Variants in OTOF observed in about 807,000 individuals in gnomAD.
OTOF encodes otoferlin.
A neutral mutation model predicts 236.8 loss-of-function variants in OTOF; 218 were observed. That is an observed-to-expected ratio of 0.92 (90% confidence interval 0.82 to 1.03). OTOF has a LOEUF of 1.03. OTOF is among the 50% of genes least tolerant of loss of function. The probability of loss-of-function intolerance (pLI) is 0.00; values close to 1 mark genes in which losing one functional copy is unlikely to be tolerated. For synonymous variants in OTOF, 1,041 were observed against 1,072.5 expected, an observed-to-expected ratio of 0.97 and a Z score of 0.57; for missense variants, 2,590 against 2,694.4, an observed-to-expected ratio of 0.96 and a Z score of 0.86.
chr2:26,460,040 T>A lies in OTOF; in HGVS notation c.5979A>T (p.Lys1993Asn). ...GCCACTGGGCTCAGGCCCCGAGGAT[T>A]TTCTTGACCAGGTAGCCAGGCACAG... ...LYSVPGYLVK[K>N]ILGA Residue 1993 changes from lysine (K) to asparagine (N), a missense_variant, in exon 46 of 47, where the codon AAA becomes AAT. Physicochemically the swap from Lys to Asn is moderately conservative, Grantham distance 94. This residue lies in a region of OTOF where 1,211 missense variants were observed against 1,352.8 expected (regional missense o/e 0.90). Transcript: ENST00000272371. This position sits in a 1 kb window ranked among gnomAD's most constrained non-coding sequence, Gnocchi z 5.3. 6.4e-7 allele frequency: 1 copy of A among 1,570,840 alleles called. No individual in the cohort carries two copies.
chr2:26,550,494 C>G (rs933829185), intron 1 of OTOF, among the ~76,000 whole-genome samples: 1 of 147,924 alleles, frequency 6.8e-6, no homozygotes, highest in Non-Finnish European at 1.5e-5. Context: ...GGGCCTGGCC[C>G]TCAAGGCGCC....
chr2:26,482,314 T>C, intron 14 of OTOF, 92 bp downstream of exon 14: 2 of 1,225,478 alleles, frequency 1.6e-6, no homozygotes, highest in Admixed American at 1.8e-5. Context: ...CCAGAGCTGA[T>C]GACGGTGGTG....
At chr2:26,489,766 C>G (rs752299533) in intron 9 of OTOF, 26 bp from the exon 10 acceptor site, 1 of 1,593,866 alleles carries the variant, frequency 6.3e-7, no homozygotes, top group Non-Finnish European at 8.6e-7. Flanking sequence ...TCCAGGCCTG[C>G]TGTCACTGAG....
intron 1 of OTOF, among the ~76,000 whole-genome samples, chr2:26,555,575 C>T (rs936793360): frequency 1.3e-5 from 2 of 151,898 alleles, no homozygotes; most frequent in Non-Finnish European, 2.9e-5. Context: ...GAGGTGGCCA[C>T]GGGCAAAGCT....
At chr2:26,531,380 C>T (rs1200097010) in intron 2 of OTOF, among the ~76,000 whole-genome samples, 2 of 151,568 alleles carry the variant, frequency 1.3e-5, no homozygotes, top group Non-Finnish European at 2.9e-5. Context: ...GCTTCCCCAT[C>T]TGTGAAAAGA....
rs147169036 is a variant in OTOF, at chr2:26,499,070, T to C, written c.765+2684A>G. On this transcript the variant is annotated intron_variant, in intron 8 of 46. Transcript: ENST00000272371. ...AAACTGGAGAGATGTTGGGTGACAA[T>C]GTATTAAGTCTTGGTGCCAGGAAGA... Among the ~76,000 whole-genome samples the C allele has an allele frequency of 2.1e-3, 319 of 151,912 alleles. 2 individuals are homozygous for C. In the East Asian group the frequency reaches 0.024, roughly 12 times the overall value.
chr2:26,527,296 C>G (rs1283366288), intron 3 of OTOF, among the ~76,000 whole-genome samples: 7 of 152,232 alleles, frequency 4.6e-5, no homozygotes, highest in Non-Finnish European at 2.9e-5. Flanking sequence ...AATACTTGTC[C>G]TTTTCACACA....
chr2:26,533,856 G>A (rs555634687), intron 2 of OTOF, among the ~76,000 whole-genome samples: 157 of 152,098 alleles, frequency 1.0e-3, no homozygotes, highest in African/African-American at 3.5e-3. Flanking sequence ...AGACAGGTGC[G>A]TTTCTGGCCT....
At chr2:26,540,029 G>T (rs1423401077) in intron 1 of OTOF, among the ~76,000 whole-genome samples, 1 of 152,140 alleles carries the variant, frequency 6.6e-6, no homozygotes, top group Non-Finnish European at 1.5e-5. Context: ...TGCCTCCGGG[G>T]TTCAAATGAT....
At chr2:26,509,262 C>T (rs1666324006) in intron 5 of OTOF, among the ~76,000 whole-genome samples, 1 of 152,306 alleles carries the variant, frequency 6.6e-6, no homozygotes, top group East Asian at 1.9e-4. Context: ...CCCTTGAGGA[C>T]TCCCTAAGAG....
At chr2:26,530,492 G>T (rs1666918217) in intron 2 of OTOF, among the ~76,000 whole-genome samples, 1 of 152,156 alleles carries the variant, frequency 6.6e-6, no homozygotes, top group Non-Finnish European at 1.5e-5. Flanking sequence ...CTTCTTGGAG[G>T]CTTTCCGGGT....
In OTOF at chr2:26,460,147, A is replaced by G. The variant is rs1664392074; in HGVS notation, c.5872T>C (p.Leu1958=). ...AGCAGCCAGCGATACGTGTGCCACAAGAAGTAGCGAGCCGACTTGAGAGGG... is the reference window on the plus strand; with the variant it reads ...AGCAGCCAGCGATACGTGTGCCACAGGAAGTAGCGAGCCGACTTGAGAGGG... The part of the protein sequence containing the change: ...LNPLKSARYF[L]WHTYRWLLLK... The change falls in exon 46 of 47, where the codon TTG becomes CTG. Residue 1958 remains leucine (L), a synonymous_variant. Transcript: ENST00000272371. The surrounding 1 kb of genome is among the most constrained non-coding windows in gnomAD (Gnocchi z 5.3). 6.9e-6 allele frequency: 11 copies of G among 1,602,792 alleles called. No individual in the cohort carries two copies. The highest frequency in any genetic ancestry group is 1.1e-5 in the South Asian group (1 of 88,914).
At chr2:26,480,713 GGACCCAGGT>G (rs1461643100) in intron 15 of OTOF, 64 bp downstream of exon 15, 9 of 1,280,478 alleles carry the variant, frequency 7.0e-6, no homozygotes, top group Non-Finnish European at 1.0e-5. Context: ...GCAAAGCCTG[GGACCCAGGT>G]GACTCAGGGA....
At chr2:26,500,195 G>A (rs535060679) in intron 8 of OTOF, among the ~76,000 whole-genome samples, 2 of 152,320 alleles carry the variant, frequency 1.3e-5, no homozygotes, top group African/African-American at 4.8e-5. Flanking sequence ...TAGTGGCAAC[G>A]ACCTGGGACA....
At position 26,460,702 on chromosome 2, in the gene OTOF, C is replaced by G. The variant is rs773961787; in HGVS notation, c.5758G>C (p.Glu1920Gln). ...ELHLLTAEEA[E>Q]KNPVGLARNE... ...CGGGCCAGGCCCACTGGGTTCTTCT[C>G]TGCCTCCTCTGCTGTCAGTAAATGC... is the stretch of plus-strand genomic sequence containing the variant. The change falls in exon 45 of 47, where the codon GAG (glutamate) becomes CAG (glutamine). Residue 1920 changes from glutamate (E) to glutamine (Q), a missense_variant. By Grantham distance (29) the Glu-to-Gln change is conservative. Coordinates refer to ENST00000272371, the MANE Select transcript of OTOF (RefSeq NM_194248.3). This position sits in a 1 kb window ranked among gnomAD's most constrained non-coding sequence, Gnocchi z 5.3. The G allele has an allele frequency of 6.2e-7, 1 of 1,614,014 alleles. No individual in the cohort carries two copies. Among genetic ancestry groups the G allele is most frequent in the Non-Finnish European group, 8.5e-7 (1 of 1,179,974 alleles).
chr2:26,521,968 C>T (rs944328892), intron 3 of OTOF, among the ~76,000 whole-genome samples: 3 of 152,218 alleles, frequency 2.0e-5, no homozygotes, highest in African/African-American at 7.2e-5. Flanking sequence ...GCAGGGCTGG[C>T]CATCTGGAGA....
chr2:26,466,085 GGGA>G lies in OTOF; in HGVS notation c.4501-12_4501-10del. On this transcript the variant is annotated splice_polypyrimidine_tract_variant and intron_variant, in intron 36 of 46. Coordinates refer to ENST00000272371, the MANE Select transcript of OTOF (RefSeq NM_194248.3). Reference sequence around the variant, plus strand: ...GGGTGCAGGTCCGTGGCCTGGAATGGGGAGAAGGGCTGCCTGAGCAGGCTCCCA... The same window carrying G: ...GGGTGCAGGTCCGTGGCCTGGAATGGGAAGGGCTGCCTGAGCAGGCTCCCA... The G allele has an allele frequency of 6.2e-7, 1 of 1,614,132 alleles. No individual in the cohort carries two copies. The highest frequency in any genetic ancestry group is 2.2e-5 in the East Asian group (1 of 44,868).
At position 26,477,629 on chromosome 2, in the gene OTOF, T is replaced by C. The variant is rs1487021420; in HGVS notation, c.2315+20A>G. The stretch of plus-strand genomic sequence containing the variant: ...AGTTCCGCCTCATCCTCCCCCCACC[T>C]GCCGCCCCTCCCTTCTCACCAGCAG... On this transcript the variant is annotated intron_variant, in intron 19 of 46. Coordinates refer to ENST00000272371, the MANE Select transcript of OTOF (RefSeq NM_194248.3). The surrounding 1 kb of genome is among the most constrained non-coding windows in gnomAD (Gnocchi z 4.7). The C allele has an allele frequency of 6.2e-7, 1 of 1,611,726 alleles. No homozygotes were observed. Among genetic ancestry groups the C allele is most frequent in the Non-Finnish European group, 8.5e-7 (1 of 1,179,538 alleles).
chr2:26,478,677 G>C (rs1461349701), intron 18 of OTOF, among the ~76,000 whole-genome samples: 1 of 138,742 alleles, frequency 7.2e-6, no homozygotes, highest in African/African-American at 2.9e-5. Flanking sequence ...CCCTAGCCTT[G>C]CTTTTTTATT....
Sources: allele counts gnomAD v4.1 joint callset (sites outside exome capture counted in the v4.1 genomes callset), GRCh38; gene constraint gnomAD v4.1.1; regional missense constraint gnomAD v4.1.1; non-coding constraint Gnocchi (gnomAD v3.1); transcripts MANE v1.5; gene names NCBI Gene and HGNC (gene_info 2026-07-23, HGNC 2026-07-21).